The following OSBPL1A variants were observed in gnomAD, a reference collection of about 807,000 sequenced individuals.
OSBPL1A encodes oxysterol binding protein like 1A.
In OSBPL1A, 80 loss-of-function variants were observed where a neutral mutation model predicts 137.1. The observed-to-expected ratio is 0.58, with a 90% confidence interval of 0.49 to 0.70. The LOEUF (loss-of-function observed/expected upper bound fraction) is 0.70. Among genes scored for constraint, OSBPL1A ranks in the 30% least tolerant of loss-of-function variants. The probability of loss-of-function intolerance (pLI) is 0.00; values close to 1 mark genes in which losing one functional copy is unlikely to be tolerated. For missense variants in OSBPL1A, 970 were observed against 1,129.4 expected, an observed-to-expected ratio of 0.86 and a Z score of 2.02; for synonymous variants, 365 against 389.7, an observed-to-expected ratio of 0.94 and a Z score of 0.75.
At chr18:24,335,851 C>T (rs2091166512) in intron 5 of OSBPL1A, among the ~76,000 whole-genome samples, 1 of 152,228 alleles carries the variant, frequency 6.6e-6, no homozygotes, top group Non-Finnish European at 1.5e-5. Flanking sequence ...AATTAGTTTA[C>T]CTTTGTCTTA....
intron 16 of OSBPL1A, among the ~76,000 whole-genome samples, chr18:24,234,624 T>A (rs551666320): frequency 3.9e-5 from 6 of 152,328 alleles, no homozygotes; most frequent in East Asian, 3.9e-4. Flanking sequence ...CCATTGATCT[T>A]GCTTATCTGA....
rs146438827 is a variant in OSBPL1A at position 24,280,021 on chromosome 18, A to T, written c.1281+821T>A. Among the ~76,000 whole-genome samples the T allele has an allele frequency of 1.1e-3, 172 of 152,170 alleles. 3 individuals carry two copies. In the East Asian group the frequency reaches 0.031, roughly 27 times the overall value. ...GAGTGCAGTGGTGCAATATCGGCTT[A>T]CTGCAACCTCTGCCTCCCAGGCTCA... On this transcript the variant is annotated intron_variant, in intron 15 of 27. Transcript: ENST00000319481.
intron 14 of OSBPL1A, among the ~76,000 whole-genome samples, chr18:24,298,972 C>T (rs2337962): frequency 0.14 from 21,138 of 152,162 alleles, 1,528 homozygotes; most frequent in South Asian, 0.17. Flanking sequence ...GATCCTTTTA[C>T]CATTATGTAA....
At chr18:24,217,154 G>A (rs1324489694) in intron 17 of OSBPL1A, among the ~76,000 whole-genome samples, 2 of 152,026 alleles carry the variant, frequency 1.3e-5, no homozygotes, top group Admixed American at 6.6e-5. Context: ...TCCAACCCAT[G>A]GGCTCATATA....
intron 14 of OSBPL1A, among the ~76,000 whole-genome samples, chr18:24,286,977 T>C (rs1482143134): frequency 6.6e-6 from 1 of 152,172 alleles, no homozygotes; most frequent in Non-Finnish European, 1.5e-5. Context: ...AGGGAGACTT[T>C]AGAAGAGTAA....
Position 24,382,885 on chromosome 18 carries a change from TA to T in OSBPL1A, c.-2-5351del, listed in dbSNP as rs1463278373. Among the ~76,000 whole-genome samples, 5 of 151,860 alleles carry T rather than the reference TA, an allele frequency of 3.3e-5. No individual in the cohort carries two copies. The East Asian group carries it at 9.6e-4, about 29-fold the overall frequency. ...TGAGACCCTGTTTCAAAAAAAATAG[TA>T]AATGAAAGAAAAAGAAAAAAATGTT... On this transcript the variant is annotated intron_variant, in intron 1 of 27. Transcript: ENST00000319481.
At chr18:24,167,978 C>T (rs1380523203) in intron 24 of OSBPL1A, among the ~76,000 whole-genome samples, 1 of 152,202 alleles carries the variant, frequency 6.6e-6, no homozygotes, top group African/African-American at 2.4e-5. Flanking sequence ...GTCTCACAAG[C>T]TTCGTGTGTT....
At chr18:24,238,899 T>G (rs2088587626) in intron 16 of OSBPL1A, among the ~76,000 whole-genome samples, 1 of 152,216 alleles carries the variant, frequency 6.6e-6, no homozygotes, top group South Asian at 2.1e-4. Flanking sequence ...CAATATGTGC[T>G]AATGCCTGGC....
At chr18:24,309,288 T>G (rs1158832825) in intron 13 of OSBPL1A, among the ~76,000 whole-genome samples, 1 of 152,162 alleles carries the variant, frequency 6.6e-6, no homozygotes, top group African/African-American at 2.4e-5. Flanking sequence ...TTTTATAGAA[T>G]TATATTGTAT....
chr18:24,186,495 G>A (rs960857697), intron 18 of OSBPL1A, among the ~76,000 whole-genome samples: 1 of 152,156 alleles, frequency 6.6e-6, no homozygotes, highest in Non-Finnish European at 1.5e-5. Flanking sequence ...AAAGTTAATA[G>A]TGGGTATCTC....
chr18:24,293,104 C>CAAAAAAAAAAAAAAAAAAA (rs1172730345), intron 14 of OSBPL1A, among the ~76,000 whole-genome samples: 5 of 66,380 alleles, frequency 7.5e-5, no homozygotes, highest in East Asian at 8.3e-4. Flanking sequence ...ACTCCCGTCT[C>CAAAAAAAAAAAAAAAAAAA]AAAAAAAAAA....
chr18:24,333,299 G>A (rs767797129), intron 6 of OSBPL1A, among the ~76,000 whole-genome samples: 11 of 152,054 alleles, frequency 7.2e-5, no homozygotes, highest in Non-Finnish European at 1.3e-4. Flanking sequence ...CTGTGTCCGG[G>A]TCTCACACTC....
intron 17 of OSBPL1A, among the ~76,000 whole-genome samples, chr18:24,216,289 C>T (rs538720801): frequency 5.9e-4 from 90 of 152,262 alleles, no homozygotes; most frequent in Non-Finnish European, 1.2e-3. Context: ...GTGGATTGCC[C>T]GAGCTCAGGA....
rs746188667 is a variant in OSBPL1A at position 24,317,186 on chromosome 18, C to A, written c.833G>T (p.Arg278Leu). 8 of 1,613,008 alleles carry A rather than the reference C, an allele frequency of 5.0e-6. No individual in the cohort carries two copies. In the South Asian group the frequency reaches 7.7e-5, roughly 16 times the overall value. Residue 278 changes from arginine (R) to leucine (L), a missense_variant, in exon 11 of 28, where the codon CGC becomes CTC. Around this residue, in one of 2 missense-constraint regions of OSBPL1A, gnomAD observed 647 missense variants for 672.6 expected, o/e 0.96. Coordinates refer to ENST00000319481, the MANE Select transcript of OSBPL1A (RefSeq NM_080597.4). ...KQPDAVHNIY[R>L]QGCKHLTQAV... ...TTGAGTCAGGTGTTTGCATCCCTGG[C>A]GATAAATATTATGAACTGCATCAGG... is the stretch of plus-strand genomic sequence containing the variant.
chr18:24,219,620 C>T (rs767793677), intron 17 of OSBPL1A, among the ~76,000 whole-genome samples: 5 of 152,048 alleles, frequency 3.3e-5, no homozygotes, highest in African/African-American at 9.7e-5. Context: ...TGAGAACAAG[C>T]GCTTGGAGTC....
At chr18:24,251,473 C>CAG (rs1302577787) in intron 15 of OSBPL1A, among the ~76,000 whole-genome samples, 2 of 152,192 alleles carry the variant, frequency 1.3e-5, no homozygotes, top group African/African-American at 4.8e-5. Flanking sequence ...CCTGGTAACC[C>CAG]AGAGAATTCT....
chr18:24,391,355 A>T (rs1333750917), intron 1 of OSBPL1A, among the ~76,000 whole-genome samples: 1 of 152,150 alleles, frequency 6.6e-6, no homozygotes, highest in African/African-American at 2.4e-5. Context: ...GGAAAAGGTC[A>T]TGGGGATGGA....
chr18:24,222,913 T>C (rs1297458563), intron 17 of OSBPL1A, among the ~76,000 whole-genome samples: 1 of 152,056 alleles, frequency 6.6e-6, no homozygotes, highest in Non-Finnish European at 1.5e-5. Flanking sequence ...GAGGGAGAAA[T>C]GCAAGGTTCC....
intron 7 of OSBPL1A, among the ~76,000 whole-genome samples, chr18:24,331,465 C>T (rs567260749): frequency 8.0e-5 from 12 of 150,540 alleles, no homozygotes; most frequent in African/African-American, 2.2e-4. Flanking sequence ...GGCGCGATCT[C>T]GGCTCACTGC....
Sources: allele counts gnomAD v4.1 joint callset (sites outside exome capture counted in the v4.1 genomes callset), GRCh38; gene constraint gnomAD v4.1.1; regional missense constraint gnomAD v4.1.1; transcripts MANE v1.5; gene names NCBI Gene and HGNC (gene_info 2026-07-23, HGNC 2026-07-21).